The following DLC1 variants were observed in gnomAD, a reference collection of about 807,000 sequenced individuals.
DLC1 encodes rho GTPase-activating protein 7.
In DLC1, 54 loss-of-function variants were observed where a neutral mutation model predicts 140.3. The observed-to-expected ratio is 0.38, with a 90% CI of 0.31 to 0.48. DLC1 has a LOEUF of 0.48. Among genes scored for constraint, DLC1 ranks in the 20% least tolerant of loss-of-function variants. DLC1 has a pLI of 0.96. For missense variants in DLC1, 2,536 were observed against 1,907.0 expected (o/e 1.33, Z -6.14); for synonymous variants, 986 against 728.1 (o/e 1.35, Z -5.70).
At chr8:13,584,168 G>C (rs1805221371) in intron 1 of DLC1, 2 of 153,568 alleles carry the variant, frequency 1.3e-5, no homozygotes, top group African/African-American at 2.4e-5. Flanking sequence ...TTCTGGGTCT[G>C]CTGGATTTGC....
intron 4 of DLC1, among the ~76,000 whole-genome samples, chr8:13,380,761 G>A (rs536626458): frequency 6.0e-4 from 91 of 152,274 alleles, no homozygotes; most frequent in African/African-American, 2.1e-3. Flanking sequence ...GGACAAATTC[G>A]ATATCAAAGT....
intron 2 of DLC1, among the ~76,000 whole-genome samples, chr8:13,422,296 G>A (rs1838351088): frequency 6.6e-6 from 1 of 152,080 alleles, no homozygotes; most frequent in Non-Finnish European, 1.5e-5. Context: ...GCCCATGGTA[G>A]ATGAAATGGT....
At chr8:13,227,192 G>C (rs1294198466) in intron 5 of DLC1, among the ~76,000 whole-genome samples, 2 of 152,120 alleles carry the variant, frequency 1.3e-5, no homozygotes, top group African/African-American at 4.8e-5. Context: ...ATTGTTATTA[G>C]TGATAATCTT....
intron 4 of DLC1, among the ~76,000 whole-genome samples, chr8:13,372,080 T>C (rs541952369): frequency 6.6e-6 from 1 of 152,292 alleles, no homozygotes; most frequent in African/African-American, 2.4e-5. Context: ...ATTGAGATTT[T>C]GCTTATTAGG....
chr8:13,135,850 C>G (rs2128967011), intron 5 of DLC1, among the ~76,000 whole-genome samples: 1 of 152,240 alleles, frequency 6.6e-6, no homozygotes, highest in African/African-American at 2.4e-5. Context: ...GCCACTGTCC[C>G]TGGATCTTTT....
chr8:13,158,466 A>T (rs952752385), intron 5 of DLC1, among the ~76,000 whole-genome samples: 1 of 152,180 alleles, frequency 6.6e-6, no homozygotes, highest in African/African-American at 2.4e-5. Context: ...TATGAAAACA[A>T]AGGTGAATCT....
chr8:13,321,042 G>C (rs1242394239), intron 4 of DLC1, among the ~76,000 whole-genome samples: 1 of 152,014 alleles, frequency 6.6e-6, no homozygotes, highest in African/African-American at 2.4e-5. Context: ...AGAACCATGA[G>C]CCAAATAAAC....
chr8:13,407,878 GT>G (rs1355557403), intron 2 of DLC1, among the ~76,000 whole-genome samples: 2 of 152,286 alleles, frequency 1.3e-5, no homozygotes, highest in African/African-American at 4.8e-5. Flanking sequence ...AGCTGGACTA[GT>G]GTAAAAATCT....
At chr8:13,485,256 C>T (rs1034170382) in intron 2 of DLC1, among the ~76,000 whole-genome samples, 1 of 152,142 alleles carries the variant, frequency 6.6e-6, no homozygotes, top group African/African-American at 2.4e-5. Context: ...TATAGAAAAC[C>T]ATAGTGTAGC....
intron 5 of DLC1, among the ~76,000 whole-genome samples, chr8:13,242,489 G>A (rs1201212180): frequency 5.3e-5 from 8 of 151,542 alleles, no homozygotes; most frequent in African/African-American, 1.7e-4. Context: ...TTGACCTCCC[G>A]GGCTCAATGG....
chr8:13,213,987 T>C (rs550100702), intron 5 of DLC1, among the ~76,000 whole-genome samples: 1 of 152,324 alleles, frequency 6.6e-6, no homozygotes, highest in Non-Finnish European at 1.5e-5. Context: ...TTTCTCCATG[T>C]TGGCCAGGCC....
intron 4 of DLC1, among the ~76,000 whole-genome samples, chr8:13,350,899 C>A (rs1231860238): frequency 2.0e-5 from 3 of 152,040 alleles, no homozygotes; most frequent in Non-Finnish European, 4.4e-5. Context: ...CTTTTGAGAT[C>A]TTGTTTTGAA....
intron 2 of DLC1, among the ~76,000 whole-genome samples, chr8:13,469,178 T>G (rs537152405): frequency 2.9e-4 from 44 of 152,352 alleles, no homozygotes; most frequent in Admixed American, 9.1e-4. Flanking sequence ...TTTCTTCATT[T>G]TAATTGAGTT....
intron 4 of DLC1, among the ~76,000 whole-genome samples, chr8:13,361,854 C>T (rs1026202257): frequency 1.3e-5 from 2 of 152,174 alleles, no homozygotes; most frequent in African/African-American, 4.8e-5. Flanking sequence ...TATCAATAAT[C>T]TTCTATAAGT....
chr8:13,221,056 A>G (rs1828522273), intron 5 of DLC1, among the ~76,000 whole-genome samples: 2 of 152,220 alleles, frequency 1.3e-5, no homozygotes, highest in Non-Finnish European at 2.9e-5. Flanking sequence ...CCAGTGCACA[A>G]TAAAATAAAG....
chr8:13,331,709 C>T (rs1383788723), intron 4 of DLC1, among the ~76,000 whole-genome samples: 1 of 151,926 alleles, frequency 6.6e-6, no homozygotes, highest in Non-Finnish European at 1.5e-5. Context: ...ATCCAAGAAA[C>T]TTTTCATAAA....
intron 1 of DLC1, among the ~76,000 whole-genome samples, chr8:13,544,726 C>T (rs1339210725): frequency 6.6e-6 from 1 of 152,122 alleles, no homozygotes; most frequent in African/African-American, 2.4e-5. Context: ...TTTAACAAGG[C>T]ATGAAAATAT....
chr8:13,153,793 A>G (rs1824026410), intron 5 of DLC1, among the ~76,000 whole-genome samples: 1 of 151,954 alleles, frequency 6.6e-6, no homozygotes, highest in Non-Finnish European at 1.5e-5. Flanking sequence ...CGGTGCGTTT[A>G]CAATCCCTGA....
At chr8:13,285,491 A>C (rs183400661) in intron 5 of DLC1, among the ~76,000 whole-genome samples, 7 of 152,318 alleles carry the variant, frequency 4.6e-5, no homozygotes, top group Admixed American at 2.6e-4. Context: ...CATTTTAACA[A>C]ATGGGCAAAA....
Sources: gnomAD v4.1 joint callset for allele counts (sites outside exome capture counted in the v4.1 genomes callset) on GRCh38, gnomAD v4.1.1 for gene constraint, MANE v1.5 for transcripts, NCBI Gene and HGNC (gene_info 2026-07-23, HGNC 2026-07-21) for gene names.